Variants in MRPL4 observed in about 807,000 individuals in gnomAD.
The protein encoded by MRPL4 is mitochondrial ribosomal protein L4, also known as large ribosomal subunit protein uL4m.
A neutral mutation model predicts 34.1 loss-of-function variants in MRPL4; 34 were observed. The ratio of observed to expected loss-of-function variants is 1.00; its 90% CI spans 0.76 to 1.33. The LOEUF is 1.33. Among genes scored for constraint, MRPL4 ranks in the 40% most tolerant of loss-of-function variants. The pLI, the probability that MRPL4 is intolerant of heterozygous loss-of-function variation, is 0.00. For missense variants in MRPL4, 402 were observed against 434.6 expected (o/e 0.92, Z 0.67); for synonymous variants, 196 against 188.3 (o/e 1.04, Z -0.33).
In MRPL4 at chr19:10,256,702, C is replaced by T. The variant is rs772679446; in HGVS notation, c.328-6C>T. The stretch of plus-strand genomic sequence containing the variant: ...GACCTGACCCCCCTCCTCTTTGTGC[C>T]TCCAGAGCTATGCCAAGACCAAGAC... On this transcript the variant is annotated splice_region_variant and splice_polypyrimidine_tract_variant and intron_variant, in intron 4 of 8. Transcript: ENST00000253099. 1.9e-6 allele frequency: 3 copies of T among 1,611,262 alleles called. No individual in the cohort carries two copies. Among genetic ancestry groups the T allele is most frequent in the Non-Finnish European group, 2.5e-6 (3 of 1,178,556 alleles).
Position 10,254,708 on chromosome 19 carries a change from G to A in MRPL4, c.327+68G>A. The A allele has an allele frequency of 1.9e-6, 3 of 1,572,042 alleles. No homozygotes were observed. In the South Asian group the frequency reaches 3.3e-5, roughly 18 times the overall value. On this transcript the variant is annotated intron_variant, in intron 4 of 8. Coordinates refer to ENST00000253099, the MANE Select transcript of MRPL4 (RefSeq NM_015956.3). ...GGGGAGGTTGGGGATAGGACCCAGAGGAAGCCCATCGCTGGGTTTTCTCTG... is the reference window on the plus strand; with the variant it reads ...GGGGAGGTTGGGGATAGGACCCAGAAGAAGCCCATCGCTGGGTTTTCTCTG...
chr19:10,258,298 C>T lies in MRPL4; in HGVS notation c.522C>T (p.Leu174=), dbSNP rs761448785. 1.2e-6 allele frequency: 2 copies of T among 1,614,026 alleles called. No individual in the cohort carries two copies. The highest frequency in any genetic ancestry group is 2.7e-5 in the African/African-American group (2 of 74,936). The change falls in exon 6 of 9, where the codon CTC becomes CTT. Residue 174 remains leucine (L), a synonymous_variant. Coordinates refer to ENST00000253099, the MANE Select transcript of MRPL4 (RefSeq NM_015956.3). ...MLPMKVRALG[L]KVALTVKLAQ... is the part of the protein sequence containing the mutation. ...CCATGAAGGTGCGGGCGCTGGGTCT[C>T]AAAGTGGCACTGACCGTCAAGCTGG... is the stretch of plus-strand genomic sequence containing the variant.
chr19:10,258,942 A>G, intron 8 of MRPL4: 1 of 1,422,830 alleles, frequency 7.0e-7, no homozygotes, highest in Non-Finnish European at 9.2e-7. Flanking sequence ...CATCTGTACT[A>G]AAAATAAAAA....
intron 5 of MRPL4, 41 bp downstream of exon 5, chr19:10,256,866 G>GGGGGGGGGGGGTGGGGGGGGGGGGGGC: frequency 2.6e-6 from 1 of 378,382 alleles, no homozygotes; most frequent in Non-Finnish European, 5.0e-6. Flanking sequence ...GGGTGGGGGG[G>GGGGGGGGGGGGTGGGGGGGGGGGGGGC]CCAGGGAAGG....
intron 1 of MRPL4, 26 bp from the exon 2 acceptor site, chr19:10,252,369 GTC>G (rs763407782): frequency 6.2e-7 from 1 of 1,614,050 alleles, no homozygotes; most frequent in South Asian, 1.1e-5. Flanking sequence ...TCCAGGGGTC[GTC>G]TCTCACTTTC....
chr19:10,258,716 G>A (rs753720611), intron 8 of MRPL4, 31 bp downstream of exon 8: 17 of 1,614,032 alleles, frequency 1.1e-5, no homozygotes, highest in East Asian at 2.2e-5. Context: ...CCTAGAGTGC[G>A]CATGTGCAGG....
At chr19:10,254,075 A>G (rs2039825631) in intron 3 of MRPL4, among the ~76,000 whole-genome samples, 1 of 151,894 alleles carries the variant, frequency 6.6e-6, no homozygotes. Flanking sequence ...CTGGAGTGCA[A>G]TGGCATGCTC....
intron 3 of MRPL4, among the ~76,000 whole-genome samples, chr19:10,253,920 G>A (rs906533251): frequency 1.3e-5 from 2 of 152,190 alleles, no homozygotes; most frequent in Admixed American, 6.5e-5. Flanking sequence ...GTATGGAATG[G>A]TATAGAACTA....
At position 10,259,744 on chromosome 19, in the gene MRPL4, C is replaced by T. The variant is rs748997002; in HGVS notation, c.867C>T (p.Pro289=). Reference sequence around the variant, plus strand: ...GACCCCTCTACCCCTTCAGCCTGCCCTACAGCGACTTCCCCCGACCCCTAC... The same window carrying T: ...GACCCCTCTACCCCTTCAGCCTGCCTTACAGCGACTTCCCCCGACCCCTAC... ...RYRPLYPFSL[P]YSDFPRPLPH... Residue 289 remains proline, a synonymous_variant, in exon 9 of 9, where the codon CCC becomes CCT. Coordinates refer to ENST00000253099, the MANE Select transcript of MRPL4 (RefSeq NM_015956.3). 6.2e-7 allele frequency: 1 copy of T among 1,614,058 alleles called. No homozygotes were observed. The highest frequency in any genetic ancestry group is 8.5e-7 in the Non-Finnish European group (1 of 1,179,964).
In MRPL4 at chr19:10,252,702, G is replaced by A. The variant is rs2039806486; in HGVS notation, c.275+1G>A. The A allele has an allele frequency of 6.2e-7, 1 of 1,600,898 alleles. No homozygotes were observed. Among genetic ancestry groups the A allele is most frequent in the Non-Finnish European group, 8.5e-7 (1 of 1,179,392 alleles). On this transcript the variant is annotated splice_donor_variant, in intron 3 of 8. Coordinates refer to ENST00000253099, the MANE Select transcript of MRPL4 (RefSeq NM_015956.3). LOFTEE classifies it high-confidence loss of function. Reference sequence around the variant, plus strand: ...CCGATGTTTTCGCCACCGCGCCCAGGTGAGCGAGGGCTGTAATGGTGAACT... The same window carrying A: ...CCGATGTTTTCGCCACCGCGCCCAGATGAGCGAGGGCTGTAATGGTGAACT...
chr19:10,256,070 G>A (rs559935992), intron 4 of MRPL4, among the ~76,000 whole-genome samples: 5 of 152,228 alleles, frequency 3.3e-5, no homozygotes, highest in South Asian at 2.1e-4. Flanking sequence ...GATGGATCAC[G>A]AGGTCGGGAG....
At chr19:10,258,709 A>G (rs752896253) in intron 8 of MRPL4, 24 bp downstream of exon 8, 2 of 1,614,096 alleles carry the variant, frequency 1.2e-6, no homozygotes, top group Non-Finnish European at 1.7e-6. Flanking sequence ...CCAGGCCCCT[A>G]GAGTGCGCAT....
At position 10,252,450 on chromosome 19, in the gene MRPL4, G is replaced by A; in HGVS notation, c.111G>A (p.Gln37=). The change falls in exon 2 of 9, where the codon CAG becomes CAA. Residue 37 remains glutamine (Q), a synonymous_variant. Coordinates refer to ENST00000253099, the MANE Select transcript of MRPL4 (RefSeq NM_015956.3). ...EAARATENPE[Q]VASEGLPEPV... ...CGCGTGCGACCGAGAACCCGGAGCA[G>A]GTGGCGAGCGAGGGTAAGGCAACCG... 2 of 1,614,092 alleles carry A rather than the reference G, an allele frequency of 1.2e-6. No individual in the cohort carries two copies. The highest frequency in any genetic ancestry group is 1.1e-5 in the South Asian group (1 of 91,072).
intron 3 of MRPL4, among the ~76,000 whole-genome samples, chr19:10,253,660 G>A (rs1345304447): frequency 6.6e-6 from 1 of 151,716 alleles, no homozygotes; most frequent in Non-Finnish European, 1.5e-5. Flanking sequence ...ACGTCTTAGT[G>A]CAAGCCTGTA....
intron 8 of MRPL4, 165 bp from the exon 9 acceptor site, chr19:10,259,452 C>G (rs1288552742): frequency 7.0e-7 from 1 of 1,431,154 alleles, no homozygotes; most frequent in Non-Finnish European, 9.1e-7. Context: ...TTACAGGCAA[C>G]AAGCGGCCAG....
intron 4 of MRPL4, 89 bp downstream of exon 4, chr19:10,254,729 C>T: frequency 1.4e-6 from 2 of 1,382,898 alleles, no homozygotes; most frequent in South Asian, 2.4e-5. Flanking sequence ...GCTGGGTTTT[C>T]TCTGGACTGC....
In MRPL4 at chr19:10,259,834, C is replaced by T. The variant is rs370312806; in HGVS notation, c.*21C>T. The T allele has an allele frequency of 2.5e-6, 4 of 1,579,342 alleles. No homozygotes were observed. The highest frequency in any genetic ancestry group is 3.5e-6 in the Non-Finnish European group (4 of 1,156,990). ...GTTGATGTGAAGCACCTCTTCTGAG[C>T]CAGGCCGAGCCCCTGGCCGACTTGG... On this transcript the variant is annotated 3_prime_UTR_variant, in exon 9 of 9. Coordinates refer to ENST00000253099, the MANE Select transcript of MRPL4 (RefSeq NM_015956.3).
intron 8 of MRPL4, 200 bp downstream of exon 8, chr19:10,258,885 C>T: frequency 4.7e-6 from 7 of 1,480,662 alleles, no homozygotes; most frequent in Non-Finnish European, 6.2e-6. Flanking sequence ...CTTGTAATCC[C>T]AGTACTTTGG....
chr19:10,259,098 C>CAAAAA lies in MRPL4; in HGVS notation c.739+436_739+440dup, dbSNP rs35481360. On this transcript the variant is annotated intron_variant, in intron 8 of 8. Transcript: ENST00000253099. ...TGGGGAGAGAGCTAGACTCTTGTCT[C>CAAAAA]AAAAAAAAAAAAAAAAAAAAAAAAA... 3.8e-3 allele frequency: 2,067 copies of CAAAAA among 539,732 alleles called. 111 individuals are homozygous for CAAAAA. Among genetic ancestry groups the CAAAAA allele is most frequent in the Non-Finnish European group, 4.0e-3 (1,903 of 477,416 alleles). The allele number at this position is 539,732 out of a possible 1,614,324, so 33.4% of individuals were successfully genotyped here. A position where few individuals can be genotyped will look rare whatever the true frequency, so the allele number is the denominator to read the frequency against.
Sources: allele counts gnomAD v4.1 joint callset (sites outside exome capture counted in the v4.1 genomes callset), GRCh38; gene constraint gnomAD v4.1.1; transcripts MANE v1.5; gene names NCBI Gene and HGNC (gene_info 2026-07-23, HGNC 2026-07-21).